Variants in FERMT3 observed in about 807,000 individuals in gnomAD.
FERMT3 encodes FERM domain containing kindlin 3.
FERMT3 carries 33 observed loss-of-function variants against 80.8 expected under a neutral mutation model. The observed-to-expected ratio is 0.41, with a 90% CI of 0.31 to 0.55. The LOEUF (loss-of-function observed/expected upper bound fraction) is 0.55. FERMT3 is among the 20% of genes least tolerant of loss of function. The pLI is 0.31. For missense variants in FERMT3, 754 were observed against 908.7 expected (o/e 0.83, Z 2.19); for synonymous variants, 375 against 372.2 (o/e 1.01, Z -0.09).
intron 2 of FERMT3, 192 bp downstream of exon 2, chr11:64,207,716 C>T (rs1946344775): frequency 1.5e-6 from 1 of 651,740 alleles, no homozygotes; most frequent in African/African-American, 1.8e-5. Flanking sequence ...CTCTTCCCTC[C>T]CTCCCTTCTG....
chr11:64,220,649 C>A lies in FERMT3; in HGVS notation c.1525C>A (p.Arg509=). ...PYGLVAPRFQ[R]KFKAKQLTPR... Reference sequence around the variant, plus strand: ...CGGCCTCGTTGCCCCCCGTTTCCAGCGAAAGTTCAAGGCCAAGCAGGTACC... The same window carrying A: ...CGGCCTCGTTGCCCCCCGTTTCCAGAGAAAGTTCAAGGCCAAGCAGGTACC... The change falls in exon 12 of 15, where the codon CGA becomes AGA. Residue 509 remains arginine (R), a synonymous_variant. Transcript: ENST00000345728. 1 of 1,611,344 alleles carries A rather than the reference C, an allele frequency of 6.2e-7. No individual in the cohort carries two copies.
chr11:64,206,112 G>T, upstream of FERMT3, among the ~76,000 whole-genome samples: 2 of 152,326 alleles, frequency 1.3e-5, no homozygotes, highest in East Asian at 3.9e-4. Context: ...TGGAGGGGTC[G>T]TGTTTGGAGC....
chr11:64,222,714 G>C (rs1946734919), intron 13 of FERMT3, among the ~76,000 whole-genome samples: 1 of 152,156 alleles, frequency 6.6e-6, no homozygotes, highest in Admixed American at 6.5e-5. Context: ...ATGGGGAGTG[G>C]GCCCCTTTGA....
At chr11:64,207,006 A>T (rs764276066) in intron 1 of FERMT3, among the ~76,000 whole-genome samples, 192 bp downstream of exon 1, 3 of 151,922 alleles carry the variant, frequency 2.0e-5, no homozygotes, top group Admixed American at 6.6e-5. Flanking sequence ...GTACGAAGCC[A>T]TGGCCAGAGT....
Position 64,206,792 on chromosome 11 carries a change from GC to G in FERMT3, c.-32del. ...GGGTGTAGCCCGAGACCCACCTGCA[GC>G]CCCCAGCCCTTGCCAGGAAAGGTAA... On this transcript the variant is annotated 5_prime_UTR_variant, in exon 1 of 15. Coordinates refer to ENST00000345728, the MANE Select transcript of FERMT3 (RefSeq NM_031471.6). 1 of 154,308 alleles carries G rather than the reference GC, an allele frequency of 6.5e-6. No homozygotes were observed. Among genetic ancestry groups the G allele is most frequent in the Non-Finnish European group, 1.5e-5 (1 of 68,740 alleles). 9.6% of individuals were successfully genotyped at this position (154,308 alleles called of 1,614,324 possible).
chr11:64,214,168 C>CTTTTT (rs60329788), intron 6 of FERMT3, among the ~76,000 whole-genome samples: 14,701 of 112,950 alleles, frequency 0.13, 1,262 homozygotes, highest in Admixed American at 0.21. Flanking sequence ...TCATAATTGC[C>CTTTTT]TTTTTTTTTT....
At chr11:64,207,172 G>A (rs980407102) in intron 1 of FERMT3, among the ~76,000 whole-genome samples, 179 bp from the exon 2 acceptor site, 1 of 152,216 alleles carries the variant, frequency 6.6e-6, no homozygotes, top group African/African-American at 2.4e-5. Context: ...CGGCTCAAGC[G>A]CCAGCGCTGG....
intron 6 of FERMT3, among the ~76,000 whole-genome samples, chr11:64,217,217 G>A (rs183234055): frequency 4.6e-5 from 7 of 152,322 alleles, no homozygotes; most frequent in Admixed American, 4.6e-4. Flanking sequence ...GTGGGAAAGG[G>A]TGTGGGTGTG....
In FERMT3 at chr11:64,220,437, AG is replaced by A; in HGVS notation, c.1314del (p.Glu438AspfsTer137). ...MSEIYLRCQD[E>X]QQYARWMAGC... The stretch of plus-strand genomic sequence containing the variant: ...GTCCCCCTCACCCCTCTCGCCCAGG[AG>A]CAGCAGTATGCCCGCTGGATGGCTG... On this transcript the variant is annotated frameshift_variant and splice_region_variant, in exon 12 of 15. Coordinates refer to ENST00000345728, the MANE Select transcript of FERMT3 (RefSeq NM_031471.6). LOFTEE classifies it high-confidence loss of function. The A allele has an allele frequency of 6.2e-7, 1 of 1,611,262 alleles. No homozygotes were observed. The highest frequency in any genetic ancestry group is 8.5e-7 in the Non-Finnish European group (1 of 1,179,528).
At chr11:64,216,261 A>T (rs1277494410) in intron 6 of FERMT3, among the ~76,000 whole-genome samples, 1 of 147,176 alleles carries the variant, frequency 6.8e-6, no homozygotes. Flanking sequence ...CAATGGCAAG[A>T]TCTCGGCTCA....
intron 13 of FERMT3, among the ~76,000 whole-genome samples, chr11:64,222,604 A>AGCAGAAG: frequency 6.7e-6 from 1 of 148,508 alleles, no homozygotes; most frequent in South Asian, 2.1e-4. Flanking sequence ...AGGTCAGGAG[A>AGCAGAAG]GCAGAAGAAC....
At position 64,211,999 on chromosome 11, in the gene FERMT3, C is replaced by T. The variant is rs987826389; in HGVS notation, c.786+252C>T. On this transcript the variant is annotated intron_variant, in intron 6 of 14. Coordinates refer to ENST00000345728, the MANE Select transcript of FERMT3 (RefSeq NM_031471.6). This position sits in a 1 kb window ranked among gnomAD's most constrained non-coding sequence, Gnocchi z 4.7. ...GACCAGTAAGTCTCAGTGCCTGTTT[C>T]CCAGGGAGCTGTCAGGGAGGAAGCT... 2.6e-5 allele frequency among the ~76,000 whole-genome samples: 4 copies of T among 152,212 alleles called. No individual in the cohort carries two copies. The highest frequency in any genetic ancestry group is 9.7e-5 in the African/African-American group (4 of 41,450).
At chr11:64,208,318 A>T (rs1946361510) in intron 2 of FERMT3, among the ~76,000 whole-genome samples, 1 of 152,158 alleles carries the variant, frequency 6.6e-6, no homozygotes, top group Non-Finnish European at 1.5e-5. Flanking sequence ...AGCAGCTGTG[A>T]GAATAGAAGT....
chr11:64,220,336 G>T lies in FERMT3; in HGVS notation c.1311+10G>T. ...CCTGCGGTGCCAGGATGTGAGTGAG[G>T]GCTGGGCAGGGGCCAGGGCCGGGCA... On this transcript the variant is annotated intron_variant, in intron 11 of 14. Transcript: ENST00000345728. The T allele has an allele frequency of 6.2e-7, 1 of 1,612,720 alleles. No individual in the cohort carries two copies. The highest frequency in any genetic ancestry group is 8.5e-7 in the Non-Finnish European group (1 of 1,179,134).
intron 2 of FERMT3, among the ~76,000 whole-genome samples, chr11:64,209,764 G>A (rs535654855): frequency 6.6e-6 from 1 of 152,164 alleles, no homozygotes; most frequent in Non-Finnish European, 1.5e-5. Flanking sequence ...AACTCACCGG[G>A]AGGACCTGGG....
chr11:64,212,339 C>A lies in FERMT3; in HGVS notation c.786+592C>A, dbSNP rs1685304341. ...TGCTCTTTCTACCTGTAGGCCCCAC[C>A]TCTCTGCCCCCTTTCTCTGCAAAAC... On this transcript the variant is annotated intron_variant, in intron 6 of 14. Coordinates refer to ENST00000345728, the MANE Select transcript of FERMT3 (RefSeq NM_031471.6). 2.0e-5 allele frequency among the ~76,000 whole-genome samples: 3 copies of A among 152,262 alleles called. No individual in the cohort carries two copies. In the South Asian group the frequency reaches 6.2e-4, roughly 32 times the overall value.
Position 64,223,435 on chromosome 11 carries a change from G to A in FERMT3, c.1935G>A (p.Gly645=), listed in dbSNP as rs757435215. The A allele has an allele frequency of 6.2e-7, 1 of 1,613,030 alleles. No homozygotes were observed. The highest frequency in any genetic ancestry group is 1.1e-5 in the South Asian group (1 of 91,096). Residue 645 remains glycine, a synonymous_variant, in exon 15 of 15, where the codon GGG becomes GGA. Coordinates refer to ENST00000345728, the MANE Select transcript of FERMT3 (RefSeq NM_031471.6). The part of the protein sequence containing the change: ...IFLSTRERAR[G]EELDEDLFLQ... ...TGTCGACGCGGGAGCGGGCCCGTGG[G>A]GAGGAGCTGGATGAAGACCTCTTCC... is the stretch of plus-strand genomic sequence containing the variant.
intron 6 of FERMT3, among the ~76,000 whole-genome samples, chr11:64,214,642 T>G (rs1038373294): frequency 6.6e-6 from 1 of 150,536 alleles, no homozygotes; most frequent in Non-Finnish European, 1.5e-5. Context: ...CCACCATGCC[T>G]GGCCTACACT....
intron 2 of FERMT3, among the ~76,000 whole-genome samples, chr11:64,209,452 C>T (rs958350198): frequency 6.6e-6 from 1 of 151,976 alleles, no homozygotes; most frequent in Non-Finnish European, 1.5e-5. Flanking sequence ...GGGACCTGGC[C>T]GAGGCAGGAG....
Sources: gnomAD v4.1 joint callset for allele counts (sites outside exome capture counted in the v4.1 genomes callset) on GRCh38, gnomAD v4.1.1 for gene constraint, Gnocchi (gnomAD v3.1) non-coding constraint, MANE v1.5 for transcripts, NCBI Gene and HGNC (gene_info 2026-07-23, HGNC 2026-07-21) for gene names.